The following ATP6V0A2 variants were observed in gnomAD, a reference collection of about 807,000 sequenced individuals.
ATP6V0A2 encodes the protein V-type proton ATPase 116 kDa subunit a 2.
In ATP6V0A2, 58 loss-of-function variants were observed where a neutral mutation model predicts 104.4. The observed-to-expected ratio is 0.56, with a 90% CI of 0.45 to 0.69. The LOEUF (loss-of-function observed/expected upper bound fraction) is 0.69. ATP6V0A2 is among the 30% of genes least tolerant of loss of function. The pLI is 0.00. For synonymous variants in ATP6V0A2, 376 were observed against 397.9 expected (o/e 0.95, Z 0.65); for missense variants, 938 against 1,062.9 (o/e 0.88, Z 1.63).
intron 9 of ATP6V0A2, among the ~76,000 whole-genome samples, chr12:123,741,207 G>A (rs1427580412): frequency 1.3e-5 from 2 of 152,096 alleles, no homozygotes; most frequent in Non-Finnish European, 2.9e-5. Flanking sequence ...GAGGCGGGCG[G>A]ATCACTTGAG....
At chr12:123,741,227 T>C (rs1956606095) in intron 9 of ATP6V0A2, among the ~76,000 whole-genome samples, 2 of 152,076 alleles carry the variant, frequency 1.3e-5, no homozygotes, top group Non-Finnish European at 2.9e-5. Flanking sequence ...GTCCAGGAGT[T>C]TGAGACTAGC....
intron 9 of ATP6V0A2, among the ~76,000 whole-genome samples, chr12:123,743,511 G>A (rs1176897694): frequency 6.6e-6 from 1 of 151,948 alleles, no homozygotes; most frequent in African/African-American, 2.4e-5. Context: ...AAATTAGACG[G>A]GCATGGTTGC....
chr12:123,750,622 C>T (rs1014836864), intron 15 of ATP6V0A2: 15 of 208,424 alleles, frequency 7.2e-5, no homozygotes, highest in East Asian at 6.1e-4. Context: ...TATAAATCTT[C>T]GTTTTTCTAA....
At chr12:123,745,148 G>C (rs1956649051) in intron 13 of ATP6V0A2, among the ~76,000 whole-genome samples, 176 bp downstream of exon 13, 1 of 152,170 alleles carries the variant, frequency 6.6e-6, no homozygotes, top group Non-Finnish European at 1.5e-5. Context: ...AGGAGCTGGG[G>C]GGCCCTCCGT....
intron 8 of ATP6V0A2, among the ~76,000 whole-genome samples, 198 bp from the exon 9 acceptor site, chr12:123,736,861 A>T (rs537945945): frequency 6.6e-6 from 1 of 152,124 alleles, no homozygotes; most frequent in South Asian, 2.1e-4. Context: ...TTGGGCTTAG[A>T]TTTTTCTGCC....
At position 123,744,749 on chromosome 12, in the gene ATP6V0A2, C is replaced by T. The variant is rs776934203; in HGVS notation, c.1479C>T (p.His493=). ...TGTCGGCCATGTACAGCTCCAGCCA[C>T]CCACCCGCAGAGCATAAGAAGATGG... is the stretch of plus-strand genomic sequence containing the variant. ...WNVSAMYSSS[H]PPAEHKKMVL... The change falls in exon 12 of 20, where the codon CAC becomes CAT. Residue 493 remains histidine, a synonymous_variant. Transcript: ENST00000330342. The surrounding 1 kb of genome is among the most constrained non-coding windows in gnomAD (Gnocchi z 5.4). 1.2e-6 allele frequency: 2 copies of T among 1,614,174 alleles called. No homozygotes were observed. Among genetic ancestry groups the T allele is most frequent in the East Asian group, 2.2e-5 (1 of 44,884 alleles).
chr12:123,745,294 G>A (rs777579933), intron 13 of ATP6V0A2, among the ~76,000 whole-genome samples: 4 of 152,258 alleles, frequency 2.6e-5, no homozygotes, highest in East Asian at 3.9e-4. Context: ...TTTCTTCCTC[G>A]TATATGTGAA....
intron 13 of ATP6V0A2, among the ~76,000 whole-genome samples, chr12:123,746,319 T>C (rs1956661693): frequency 6.6e-6 from 1 of 151,974 alleles, no homozygotes; most frequent in Non-Finnish European, 1.5e-5. Flanking sequence ...ACGTTATACA[T>C]ATAAAATACG....
intron 9 of ATP6V0A2, among the ~76,000 whole-genome samples, chr12:123,741,600 C>A (rs1422461458): frequency 1.3e-5 from 2 of 152,028 alleles, no homozygotes; most frequent in African/African-American, 4.8e-5. Flanking sequence ...ACTACTATGC[C>A]TGGCTAATTT....
At chr12:123,745,925 C>CA (rs1314242989) in intron 13 of ATP6V0A2, among the ~76,000 whole-genome samples, 5 of 152,016 alleles carry the variant, frequency 3.3e-5, no homozygotes, top group South Asian at 2.1e-4. Context: ...TTAAACTGAG[C>CA]AAAAAAAGTC....
intron 17 of ATP6V0A2, among the ~76,000 whole-genome samples, chr12:123,752,983 G>C (rs992891232): frequency 1.3e-4 from 20 of 152,188 alleles, no homozygotes; most frequent in Non-Finnish European, 2.8e-4. Context: ...GCCCTTACCA[G>C]CTTGTTACTA....
At chr12:123,722,495 C>A (rs770900380) in intron 3 of ATP6V0A2, 47 bp downstream of exon 3, 9 of 1,082,568 alleles carry the variant, frequency 8.3e-6, no homozygotes. Context: ...ATCTTGGGGG[C>A]TGCTTACTTA....
intron 8 of ATP6V0A2, among the ~76,000 whole-genome samples, chr12:123,736,457 G>A (rs1257983720): frequency 2.6e-5 from 4 of 152,138 alleles, no homozygotes; most frequent in African/African-American, 9.7e-5. Flanking sequence ...CTCCCAGAGT[G>A]CTGGGATTAC....
intron 1 of ATP6V0A2, among the ~76,000 whole-genome samples, chr12:123,713,111 G>T (rs769130644): frequency 1.3e-4 from 20 of 152,126 alleles, no homozygotes; most frequent in Non-Finnish European, 2.5e-4. Flanking sequence ...CGGGAGGTGA[G>T]TGTGAAGGGA....
intron 1 of ATP6V0A2, among the ~76,000 whole-genome samples, chr12:123,716,782 C>G (rs1956344075): frequency 1.5e-5 from 2 of 134,676 alleles, no homozygotes; most frequent in South Asian, 4.7e-4. Context: ...CAGTGAGATC[C>G]TGTCTCAAAA....
At position 123,727,875 on chromosome 12, in the gene ATP6V0A2, C is replaced by A. The variant is rs143802431; in HGVS notation, c.614C>A (p.Ala205Glu). The A allele has an allele frequency of 1.2e-6, 2 of 1,614,074 alleles. No homozygotes were observed. Among genetic ancestry groups the A allele is most frequent in the East Asian group, 4.5e-5 (2 of 44,896 alleles). Residue 205 changes from alanine (A) to glutamate (E), a missense_variant, in exon 6 of 20, where the codon GCA (alanine) becomes GAA (glutamate). Ala to Glu is a moderately radical substitution (Grantham distance 107). Coordinates refer to ENST00000330342, the MANE Select transcript of ATP6V0A2 (RefSeq NM_012463.4). ...VCKGYTIVSY[A>E]ELDESLEDPE... ...AAAGGGTACACCATCGTGTCCTATG[C>A]AGAACTGGATGAATCCCTTGAAGAC...
intron 7 of ATP6V0A2, 66 bp from the exon 8 acceptor site, chr12:123,735,465 G>A (rs1216324532): frequency 1.4e-6 from 2 of 1,441,778 alleles, no homozygotes; most frequent in Non-Finnish European, 9.8e-7. Context: ...AGATGTGCCG[G>A]GGAGGTGAAC....
At chr12:123,715,440 T>A (rs1027629409) in intron 1 of ATP6V0A2, among the ~76,000 whole-genome samples, 6 of 151,380 alleles carry the variant, frequency 4.0e-5, no homozygotes, top group Non-Finnish European at 7.4e-5. Context: ...CTGGTTCTTT[T>A]AAAAAAAAAG....
intron 7 of ATP6V0A2, 30 bp from the exon 8 acceptor site, chr12:123,735,501 G>A (rs1251121538): frequency 6.3e-7 from 1 of 1,592,570 alleles, no homozygotes; most frequent in South Asian, 1.1e-5. Context: ...GCTGACAGAT[G>A]TGAGACTGTG....
Sources: gnomAD v4.1 joint callset for allele counts (sites outside exome capture counted in the v4.1 genomes callset) on GRCh38, gnomAD v4.1.1 for gene constraint, Gnocchi (gnomAD v3.1) non-coding constraint, MANE v1.5 for transcripts, NCBI Gene and HGNC (gene_info 2026-07-23, HGNC 2026-07-21) for gene names.